RMST: variants seen among roughly 807,000 people sequenced by gnomAD.
RMST encodes the protein long intergenic non-protein coding RNA 54.
At chr12:97,500,239 C>T (rs1877936635) in intron 10 of RMST, among the ~76,000 whole-genome samples, 2 of 152,130 alleles carry the variant, frequency 1.3e-5, no homozygotes, top group Admixed American at 6.5e-5. Context: ...AGCAGCCTGT[C>T]CTGCTGCTTT....
Position 97,470,224 on chromosome 12 carries a change from C to T in RMST, n.644+4497C>T, listed in dbSNP as rs147367273. On this transcript the variant is annotated intron_variant and non_coding_transcript_variant, in intron 5 of 13. Coordinates refer to ENST00000640149, the Ensembl canonical transcript of RMST. ...GTTGCAACAACTAAGATGATTTGAG[C>T]GAGATAATGCTCCACATTTTTTACC... 4.4e-3 allele frequency among the ~76,000 whole-genome samples: 669 copies of T among 152,172 alleles called. 3 individuals carry two copies. The highest frequency in any genetic ancestry group is 0.015 in the African/African-American group (626 of 41,550).
chr12:97,484,277 G>A (rs1447177423), intron 5 of RMST, among the ~76,000 whole-genome samples: 1 of 152,172 alleles, frequency 6.6e-6, no homozygotes, highest in East Asian at 1.9e-4. Flanking sequence ...CACATATGCA[G>A]ATTTATTTAT....
chr12:97,521,568 T>A (rs918434401), intron 10 of RMST, among the ~76,000 whole-genome samples: 16 of 152,174 alleles, frequency 1.1e-4, no homozygotes, highest in African/African-American at 3.9e-4. Context: ...ATAATACTGC[T>A]GTTTTAAAAA....
intron 5 of RMST, among the ~76,000 whole-genome samples, chr12:97,487,278 C>T (rs919088462): frequency 2.0e-5 from 3 of 152,126 alleles, no homozygotes; most frequent in Non-Finnish European, 2.9e-5. Flanking sequence ...TGAGAAATGA[C>T]AGCAGGTCTA....
intron 10 of RMST, among the ~76,000 whole-genome samples, chr12:97,527,343 C>G (rs1047211067): frequency 6.6e-6 from 1 of 152,110 alleles, no homozygotes; most frequent in Non-Finnish European, 1.5e-5. Flanking sequence ...CATTCCACAC[C>G]TGTACATTGC....
chr12:97,559,489 T>G (rs1407785503), intron 11 of RMST, among the ~76,000 whole-genome samples: 2 of 151,988 alleles, frequency 1.3e-5, no homozygotes, highest in African/African-American at 4.8e-5. Context: ...CCTGTGGGAT[T>G]CCCCCCACCC....
intron 11 of RMST, among the ~76,000 whole-genome samples, chr12:97,544,432 T>C (rs142899806): frequency 4.6e-5 from 7 of 152,180 alleles, no homozygotes; most frequent in Admixed American, 1.3e-4. Context: ...GCCAGAATTG[T>C]AAATTCCTTA....
intron 11 of RMST, among the ~76,000 whole-genome samples, chr12:97,546,459 C>T (rs1274905336): frequency 2.6e-5 from 4 of 151,858 alleles, no homozygotes; most frequent in Non-Finnish European, 4.4e-5. Flanking sequence ...GCACACACTT[C>T]TAATCCCAGC....
intron 10 of RMST, among the ~76,000 whole-genome samples, chr12:97,512,202 C>T (rs959480479): frequency 2.0e-5 from 3 of 152,074 alleles, no homozygotes; most frequent in South Asian, 2.1e-4. Context: ...CTTAAGGTGG[C>T]GCGTCTGGCG....
chr12:97,478,588 A>T (rs1195414605), intron 5 of RMST, among the ~76,000 whole-genome samples: 2 of 152,128 alleles, frequency 1.3e-5, no homozygotes, highest in East Asian at 1.9e-4. Context: ...GTAGACAAAC[A>T]CCAGTGAGTA....
At chr12:97,479,455 T>C (rs1300431538) in intron 5 of RMST, among the ~76,000 whole-genome samples, 1 of 152,158 alleles carries the variant, frequency 6.6e-6, no homozygotes, top group East Asian at 1.9e-4. Context: ...GCCCAGTCTT[T>C]ACTTTGTTTT....
At chr12:97,514,047 AG>A (rs1879685457) in intron 10 of RMST, among the ~76,000 whole-genome samples, 1 of 152,198 alleles carries the variant, frequency 6.6e-6, no homozygotes, top group Admixed American at 6.5e-5. Context: ...CTTAAATAAG[AG>A]GTTGTCAAGG....
intron 5 of RMST, among the ~76,000 whole-genome samples, chr12:97,471,225 T>C (rs996249254): frequency 1.4e-4 from 22 of 152,096 alleles, no homozygotes; most frequent in African/African-American, 5.3e-4. Context: ...TAGATAGGGC[T>C]TCCTTCAAGG....
intron 11 of RMST, among the ~76,000 whole-genome samples, chr12:97,543,202 G>A (rs1882682683): frequency 6.6e-6 from 1 of 152,034 alleles, no homozygotes; most frequent in Non-Finnish European, 1.5e-5. Flanking sequence ...TTTCAGTGAA[G>A]CAGTTACTTA....
chr12:97,500,034 T>C (rs1289599681), intron 10 of RMST, among the ~76,000 whole-genome samples: 2 of 152,198 alleles, frequency 1.3e-5, no homozygotes, highest in East Asian at 1.9e-4. Context: ...AGACACATCA[T>C]GTTTAATAAT....
intron 4 of RMST, chr12:97,464,944 A>G (rs1873002973): frequency 6.6e-6 from 1 of 152,204 alleles, no homozygotes; most frequent in Non-Finnish European, 1.5e-5. Flanking sequence ...ACAAACAGCT[A>G]TCTTTTATTG....
At chr12:97,555,135 C>A (rs538182182) in intron 11 of RMST, among the ~76,000 whole-genome samples, 37 of 152,258 alleles carry the variant, frequency 2.4e-4, no homozygotes, top group African/African-American at 8.7e-4. Context: ...CATGTCCCCC[C>A]CAAAAGACCT....
chr12:97,521,836 A>G (rs1016662428), intron 10 of RMST, among the ~76,000 whole-genome samples: 5 of 152,058 alleles, frequency 3.3e-5, no homozygotes, highest in Non-Finnish European at 1.5e-5. Context: ...TTATTTATTT[A>G]TTTTCCCAGT....
chr12:97,525,095 C>G (rs1379823482), intron 10 of RMST, among the ~76,000 whole-genome samples: 4 of 152,144 alleles, frequency 2.6e-5, no homozygotes, highest in Admixed American at 6.5e-5. Flanking sequence ...GGAAAGGACT[C>G]CTTACTTGAA....
Sources: gnomAD v4.1 joint callset for allele counts (sites outside exome capture counted in the v4.1 genomes callset) on GRCh38, gnomAD v4.1.1 for gene constraint, MANE v1.5 for transcripts, NCBI Gene and HGNC (gene_info 2026-07-23, HGNC 2026-07-21) for gene names.